Variants in HFM1 observed in about 807,000 individuals in gnomAD.
HFM1 encodes helicase for meiosis 1, also known as probable ATP-dependent DNA helicase HFM1.
HFM1 carries 169 observed loss-of-function variants against 192.1 expected under a neutral mutation model. The ratio of observed to expected loss-of-function variants is 0.88; its 90% CI spans 0.78 to 1.00. The LOEUF (loss-of-function observed/expected upper bound fraction) is 1.00, where lower values mean the gene tolerates loss of function less well. Ranked by LOEUF, HFM1 falls within the 50% of genes least tolerant of loss-of-function variation. HFM1 has a pLI of 0.00. For synonymous variants in HFM1, 525 were observed against 537.8 expected (o/e 0.98, Z 0.33); for missense variants, 1,661 against 1,668.0 (o/e 1.00, Z 0.07).
intron 7 of HFM1, among the ~76,000 whole-genome samples, chr1:91,380,613 G>A (rs1237274369): frequency 2.6e-5 from 4 of 152,124 alleles, no homozygotes; most frequent in African/African-American, 9.7e-5. Flanking sequence ...ACTTAGCCAG[G>A]AGTGGTGTCT....
intron 6 of HFM1, among the ~76,000 whole-genome samples, chr1:91,384,246 G>A (rs1489182315): frequency 6.6e-6 from 1 of 152,038 alleles, no homozygotes; most frequent in East Asian, 1.9e-4. Flanking sequence ...GAAATAGGCA[G>A]GTAAATAAGT....
chr1:91,381,517 A>G (rs185221918), intron 6 of HFM1, among the ~76,000 whole-genome samples: 1 of 152,302 alleles, frequency 6.6e-6, no homozygotes, highest in Admixed American at 6.5e-5. Context: ...TACTGGCTTG[A>G]CAGGAAGAAC....
chr1:91,353,287 A>G lies in HFM1; in HGVS notation c.1698T>C (p.Tyr566=). Reference sequence around the variant, plus strand: ...GTTTTGAATCTCTTACGGAATATGCATACTTCTGTAACCTATTTAAAAATA... The same window carrying G: ...GTTTTGAATCTCTTACGGAATATGCGTACTTCTGTAACCTATTTAAAAATA... The part of the protein sequence containing the change: ...TVEQKQRLQK[Y]AYSVRDSKLR... The change falls in exon 14 of 39, where the codon TAT becomes TAC. Residue 566 remains tyrosine (Y), a synonymous_variant. Transcript: ENST00000370425. The G allele has an allele frequency of 1.9e-6, 3 of 1,564,632 alleles. No homozygotes were observed. The highest frequency in any genetic ancestry group is 2.6e-6 in the Non-Finnish European group (3 of 1,137,816).
At chr1:91,279,958 G>T (rs1667311565) in intron 30 of HFM1, among the ~76,000 whole-genome samples, 1 of 151,912 alleles carries the variant, frequency 6.6e-6, no homozygotes, top group Non-Finnish European at 1.5e-5. Context: ...TGGGAAAAAA[G>T]ATTTAATATC....
intron 15 of HFM1, 65 bp downstream of exon 15, chr1:91,352,986 T>G: frequency 3.8e-6 from 4 of 1,066,518 alleles, no homozygotes; most frequent in Non-Finnish European, 5.6e-6. Flanking sequence ...CTTTTTCCTT[T>G]TTTCCTCTTA....
At chr1:91,337,598 C>T (rs1358909779) in intron 20 of HFM1, among the ~76,000 whole-genome samples, 3 of 152,150 alleles carry the variant, frequency 2.0e-5, no homozygotes, top group African/African-American at 4.8e-5. Flanking sequence ...CTCAGAGTCC[C>T]GTCTCCAGTA....
rs1571059826 is a variant in HFM1 at position 91,351,463 on chromosome 1, A to C, written c.2072+86T>G. ...GAAAATTGCCTTAAAAAAATCTCCA[A>C]ACCAAATTTCCCTTTGATATTTTAA... On this transcript the variant is annotated intron_variant, in intron 17 of 38. Transcript: ENST00000370425. The C allele has an allele frequency of 1.2e-5, 9 of 738,772 alleles. No individual in the cohort carries two copies. The East Asian group carries it at 2.4e-4, about 20-fold the overall frequency. The allele number at this position is 738,772 out of a possible 1,614,324, so 45.8% of individuals were successfully genotyped here.
chr1:91,278,236 A>G (rs1667133514), intron 30 of HFM1, among the ~76,000 whole-genome samples: 1 of 151,978 alleles, frequency 6.6e-6, no homozygotes, highest in African/African-American at 2.4e-5. Flanking sequence ...ATTTACAGGA[A>G]AGAGAGATTG....
At chr1:91,360,690 T>G (rs762352834) in intron 13 of HFM1, among the ~76,000 whole-genome samples, 23 of 152,286 alleles carry the variant, frequency 1.5e-4, no homozygotes, top group Non-Finnish European at 2.8e-4. Context: ...CTGGATCAAG[T>G]GGACCTGACA....
chr1:91,384,242 G>A (rs1289263890), intron 6 of HFM1, among the ~76,000 whole-genome samples: 1 of 152,042 alleles, frequency 6.6e-6, no homozygotes, highest in Admixed American at 6.6e-5. Context: ...TTTGGAAATA[G>A]GCAGGTAAAT....
At chr1:91,291,321 G>A (rs1390887119) in intron 30 of HFM1, among the ~76,000 whole-genome samples, 4 of 152,020 alleles carry the variant, frequency 2.6e-5, no homozygotes, top group South Asian at 2.1e-4. Context: ...TAATAAAGAA[G>A]AAAAGAGAGA....
chr1:91,329,506 A>G, intron 20 of HFM1: 1 of 1,533,932 alleles, frequency 6.5e-7, no homozygotes, highest in East Asian at 2.4e-5. Context: ...AGGAAGTTTA[A>G]AAGGGGAAAA....
Position 91,397,824 on chromosome 1 carries a change from G to A in HFM1, c.72-1419C>T, listed in dbSNP as rs1663847151. Among the ~76,000 whole-genome samples the A allele has an allele frequency of 2.0e-5, 3 of 152,198 alleles. No individual in the cohort carries two copies. In the South Asian group the frequency reaches 6.2e-4, roughly 31 times the overall value. On this transcript the variant is annotated intron_variant, in intron 2 of 38. Coordinates refer to ENST00000370425, the MANE Select transcript of HFM1 (RefSeq NM_001017975.6). ...AGTCTTCTCCCAGCAGACTCTGCGG[G>A]AGGCACTTAATTATCTGAGTAATGA...
intron 30 of HFM1, among the ~76,000 whole-genome samples, chr1:91,299,553 A>C (rs1247421973): frequency 6.6e-6 from 1 of 152,170 alleles, no homozygotes; most frequent in East Asian, 1.9e-4. Flanking sequence ...TCCTCAGCAA[A>C]TGTAAAAGAA....
chr1:91,294,890 T>C (rs755306677), intron 30 of HFM1, among the ~76,000 whole-genome samples: 1 of 152,208 alleles, frequency 6.6e-6, no homozygotes, highest in Non-Finnish European at 1.5e-5. Context: ...TATCACATAA[T>C]ATGCAAGGGG....
chr1:91,277,749 T>TA (rs1216775562), intron 30 of HFM1, among the ~76,000 whole-genome samples: 1 of 120,154 alleles, frequency 8.3e-6, no homozygotes, highest in African/African-American at 3.5e-5. Context: ...ATATATATAC[T>TA]TTATATATAA....
chr1:91,366,248 G>A (rs1051820309), intron 13 of HFM1, among the ~76,000 whole-genome samples: 9 of 152,136 alleles, frequency 5.9e-5, no homozygotes, highest in Non-Finnish European at 1.3e-4. Context: ...ATATAGATAA[G>A]TTCAGCTCAA....
intron 20 of HFM1, among the ~76,000 whole-genome samples, chr1:91,333,848 A>C (rs1047597683): frequency 6.6e-6 from 1 of 152,202 alleles, no homozygotes; most frequent in African/African-American, 2.4e-5. Flanking sequence ...TGTAGAAGAC[A>C]CAATCTCTAG....
At chr1:91,266,971 A>C (rs1665822939) in intron 35 of HFM1, among the ~76,000 whole-genome samples, 2 of 152,176 alleles carry the variant, frequency 1.3e-5, no homozygotes, top group South Asian at 4.1e-4. Context: ...TTCCCTTTGA[A>C]ATACTCTTTT....
Sources: gnomAD v4.1 joint callset for allele counts (sites outside exome capture counted in the v4.1 genomes callset) on GRCh38, gnomAD v4.1.1 for gene constraint, MANE v1.5 for transcripts, NCBI Gene and HGNC (gene_info 2026-07-23, HGNC 2026-07-21) for gene names.